Variants in ANO3 observed in about 807,000 individuals in gnomAD.
The protein encoded by ANO3 is anoctamin 3, also known as anoctamin-3.
In ANO3, 99 loss-of-function variants were observed where a neutral mutation model predicts 144.8. The observed-to-expected ratio is 0.68, with a 90% CI of 0.58 to 0.81. The LOEUF (loss-of-function observed/expected upper bound fraction) is 0.81, where lower values mean the gene tolerates loss of function less well. Among genes scored for constraint, ANO3 ranks in the 30% least tolerant of loss-of-function variants. The pLI is 0.00. For missense variants in ANO3, 905 were observed against 1,202.2 expected (o/e 0.75, Z 3.66); for synonymous variants, 414 against 392.6 (o/e 1.05, Z -0.64).
intron 1 of ANO3, among the ~76,000 whole-genome samples, chr11:26,372,441 AAGTCAGACCTAT>A: frequency 6.6e-6 from 1 of 152,316 alleles, no homozygotes; most frequent in African/African-American, 2.4e-5. Flanking sequence ...TCATAATGAA[AAGTCAGACCTAT>A]GTAAATTAAC....
chr11:26,647,442 T>G (rs961723611), intron 23 of ANO3, among the ~76,000 whole-genome samples: 1 of 152,228 alleles, frequency 6.6e-6, no homozygotes, highest in African/African-American at 2.4e-5. Context: ...CCTGTGCACC[T>G]GTGCCATGTC....
chr11:26,275,697 T>C (rs994088164), intron 1 of ANO3, among the ~76,000 whole-genome samples: 1 of 152,134 alleles, frequency 6.6e-6, no homozygotes, highest in Non-Finnish European at 1.5e-5. Context: ...ATAGGGTGAA[T>C]GTTCTAGTGC....
intron 14 of ANO3, chr11:26,565,892 G>A: frequency 6.4e-7 from 1 of 1,571,732 alleles, no homozygotes; most frequent in African/African-American, 1.4e-5. Context: ...TTTTTTTAAA[G>A]GAATCTGAAA....
chr11:26,208,460 C>A (rs1442589957), intron 1 of ANO3: 1 of 151,334 alleles, frequency 6.6e-6, no homozygotes, highest in Non-Finnish European at 1.5e-5. Flanking sequence ...TTGCAGTGAG[C>A]CAAGATCACA....
intron 23 of ANO3, among the ~76,000 whole-genome samples, chr11:26,645,113 G>C (rs1228020339): frequency 6.6e-6 from 1 of 151,988 alleles, no homozygotes; most frequent in East Asian, 1.9e-4. Flanking sequence ...GTATTTGCTT[G>C]TTGTTTGCTG....
chr11:26,492,449 C>G (rs1860747072), intron 4 of ANO3, among the ~76,000 whole-genome samples: 1 of 152,150 alleles, frequency 6.6e-6, no homozygotes, highest in Admixed American at 6.5e-5. Context: ...TGATAACTCT[C>G]TGGGGCAGCA....
chr11:26,623,917 G>T (rs1409067688), intron 17 of ANO3, among the ~76,000 whole-genome samples: 3 of 152,090 alleles, frequency 2.0e-5, no homozygotes, highest in African/African-American at 7.2e-5. Flanking sequence ...CTCCCGAGTA[G>T]CTGGGACTAC....
At chr11:26,306,585 G>A (rs573720717), upstream of ANO3, among the ~76,000 whole-genome samples, 348 of 152,182 alleles carry the variant, frequency 2.3e-3, 1 homozygote, top group African/African-American at 7.7e-3. Context: ...GATCACTGAA[G>A]CCTTGGAGGT....
intron 1 of ANO3, among the ~76,000 whole-genome samples, chr11:26,221,269 G>A (rs1277146197): frequency 2.0e-5 from 3 of 152,160 alleles, no homozygotes; most frequent in Non-Finnish European, 4.4e-5. Flanking sequence ...CTTCCATGGG[G>A]CAAAGGCCAG....
chr11:26,303,549 G>C (rs532314056), intron 1 of ANO3, among the ~76,000 whole-genome samples: 1 of 152,156 alleles, frequency 6.6e-6, no homozygotes, highest in South Asian at 2.1e-4. Flanking sequence ...TATTAAGAGG[G>C]AGACGGAGGA....
At chr11:26,282,020 T>C (rs941352355) in intron 1 of ANO3, among the ~76,000 whole-genome samples, 2 of 152,224 alleles carry the variant, frequency 1.3e-5, no homozygotes, top group Non-Finnish European at 2.9e-5. Context: ...ACACTGTTTA[T>C]TCTTGGAATA....
chr11:26,219,550 T>A (rs1050472911), intron 1 of ANO3, among the ~76,000 whole-genome samples: 4 of 152,180 alleles, frequency 2.6e-5, no homozygotes, highest in African/African-American at 9.6e-5. Context: ...TTGAATATTA[T>A]ACCAATTTTC....
chr11:26,488,460 CG>C (rs1427309254), intron 4 of ANO3, among the ~76,000 whole-genome samples: 1 of 152,000 alleles, frequency 6.6e-6, no homozygotes, highest in Non-Finnish European at 1.5e-5. Flanking sequence ...AGAATGAAGC[CG>C]GGGACCCTTG....
At chr11:26,385,081 G>C (rs1254893526) in intron 1 of ANO3, among the ~76,000 whole-genome samples, 2 of 151,954 alleles carry the variant, frequency 1.3e-5, no homozygotes, top group African/African-American at 4.8e-5. Flanking sequence ...AATATTCTTA[G>C]TGTAAAGTTA....
At chr11:26,477,707 A>G (rs867932952) in intron 4 of ANO3, among the ~76,000 whole-genome samples, 2 of 152,200 alleles carry the variant, frequency 1.3e-5, no homozygotes, top group Non-Finnish European at 2.9e-5. Flanking sequence ...CAAATAAGTG[A>G]ACTAATGAAA....
At chr11:26,319,319 C>G (rs1003993258) in intron 1 of ANO3, among the ~76,000 whole-genome samples, 1 of 151,962 alleles carries the variant, frequency 6.6e-6, no homozygotes, top group African/African-American at 2.4e-5. Context: ...TTTGACTCCC[C>G]TTTTTCCCTC....
chr11:26,284,678 T>C (rs925716616), intron 1 of ANO3, among the ~76,000 whole-genome samples: 3 of 151,918 alleles, frequency 2.0e-5, no homozygotes, highest in African/African-American at 4.8e-5. Flanking sequence ...GGCTGGCGGA[T>C]CAAGAGGTCA....
chr11:26,529,415 TA>T (rs372742910), intron 7 of ANO3, among the ~76,000 whole-genome samples: 156 of 8,172 alleles, frequency 0.019, 74 homozygotes, highest in Middle Eastern at 0.12. Flanking sequence ...TAATATATAA[TA>T]ATATATTATA....
chr11:26,244,860 A>G (rs1852746824), intron 1 of ANO3, among the ~76,000 whole-genome samples: 1 of 152,100 alleles, frequency 6.6e-6, no homozygotes. Context: ...AATTGTCCTG[A>G]TAATTTTCAT....
Sources: allele counts gnomAD v4.1 joint callset (sites outside exome capture counted in the v4.1 genomes callset), GRCh38; gene constraint gnomAD v4.1.1; transcripts MANE v1.5; gene names NCBI Gene and HGNC (gene_info 2026-07-23, HGNC 2026-07-21).